The following BRINP1 variants were observed in gnomAD, a reference collection of about 807,000 sequenced individuals.
BRINP1 encodes BMP/retinoic acid inducible neural specific 1, also known as BMP/retinoic acid-inducible neural-specific protein 1.
Under a neutral mutation model 72.9 loss-of-function variants are expected in BRINP1, and 17 were observed. The ratio of observed to expected loss-of-function variants is 0.23; its 90% CI spans 0.16 to 0.35. The LOEUF is 0.35. BRINP1 is among the 10% of genes least tolerant of loss of function. The probability of loss-of-function intolerance (pLI) is 1.00; values close to 1 mark genes in which losing one functional copy is unlikely to be tolerated. For missense variants in BRINP1, 850 were observed against 1,001.6 expected (o/e 0.85, Z 2.04); for synonymous variants, 418 against 378.5 (o/e 1.10, Z -1.21).
intron 3 of BRINP1, among the ~76,000 whole-genome samples, chr9:119,242,458 T>C (rs992949570): frequency 1.3e-5 from 2 of 152,178 alleles, no homozygotes; most frequent in Admixed American, 6.5e-5. Context: ...CCCCTAATAA[T>C]TGACTTCATG....
In BRINP1 at chr9:119,167,698, G is replaced by A. The variant is rs770765150; in HGVS notation, c.1672C>T (p.Pro558Ser). The change falls in exon 8 of 8, where the codon CCC becomes TCC. Residue 558 changes from proline to serine, a missense_variant. Coordinates refer to ENST00000265922, the MANE Select transcript of BRINP1 (RefSeq NM_014618.3). The surrounding 1 kb of genome is among the most constrained non-coding windows in gnomAD (Gnocchi z 4.3). ...ICQMRNSSLD[P>S]MFFVYVNPFS... ...GGGTTGACATAGACAAAGAACATGG[G>A]GTCCAGGCTGCTGTTGCGCATCTGG... is the stretch of plus-strand genomic sequence containing the variant. 4.3e-6 allele frequency: 7 copies of A among 1,614,010 alleles called. No homozygotes were observed. Among genetic ancestry groups the A allele is most frequent in the African/African-American group, 2.7e-5 (2 of 74,902 alleles).
chr9:119,253,177 G>C (rs545885144), intron 2 of BRINP1, among the ~76,000 whole-genome samples: 1 of 152,142 alleles, frequency 6.6e-6, no homozygotes, highest in African/African-American at 2.4e-5. Flanking sequence ...GTTTAGGGAA[G>C]GTATTAAACT....
rs540729943 is a variant in BRINP1 at position 119,368,997 on chromosome 9, C to G, written c.-51+59G>C. ...GAGCGCGGGGACGCCCCGAATGCGG[C>G]CCGGGGCCGGGTCCAAGGGCAGCGG... On this transcript the variant is annotated intron_variant, in intron 1 of 7. Coordinates refer to ENST00000265922, the MANE Select transcript of BRINP1 (RefSeq NM_014618.3). This position sits in a 1 kb window ranked among gnomAD's most constrained non-coding sequence, Gnocchi z 4.7. The G allele has an allele frequency of 1.5e-5, 6 of 391,882 alleles. No individual in the cohort carries two copies. Among genetic ancestry groups the G allele is most frequent in the East Asian group, 3.6e-5 (1 of 27,730 alleles). 24.3% of individuals were successfully genotyped at this position (391,882 alleles called of 1,614,324 possible). A position where few individuals can be genotyped will look rare whatever the true frequency, so the allele number is the denominator to read the frequency against.
intron 1 of BRINP1, among the ~76,000 whole-genome samples, chr9:119,327,910 GA>G (rs896232786): frequency 9.5e-5 from 14 of 147,320 alleles, no homozygotes; most frequent in East Asian, 7.9e-4. Context: ...ATCCTTGAGA[GA>G]AAAAAAAAAG....
intron 7 of BRINP1, among the ~76,000 whole-genome samples, chr9:119,200,717 A>C (rs1829797352): frequency 6.6e-6 from 1 of 152,036 alleles, no homozygotes; most frequent in African/African-American, 2.4e-5. Context: ...CAATTGGAAA[A>C]TTAGAATGAG....
intron 1 of BRINP1, among the ~76,000 whole-genome samples, chr9:119,325,797 C>T (rs1831233919): frequency 6.6e-6 from 1 of 152,168 alleles, no homozygotes; most frequent in Admixed American, 6.5e-5. Context: ...CTTAGTCTTG[C>T]CTTCAACAAT....
At chr9:119,201,716 G>C (rs950914231) in intron 7 of BRINP1, among the ~76,000 whole-genome samples, 2 of 152,196 alleles carry the variant, frequency 1.3e-5, no homozygotes, top group Admixed American at 6.5e-5. Flanking sequence ...CCAGAGGCTA[G>C]ATAATGATGG....
chr9:119,208,748 G>T lies in BRINP1; in HGVS notation c.1116C>A (p.His372Gln), dbSNP rs370368536. The change falls in exon 7 of 8, where the codon CAC becomes CAA. Residue 372 changes from histidine (H) to glutamine (Q), a missense_variant. Physicochemically the swap from His to Gln is conservative, Grantham distance 24 (BLOSUM62 0). Transcript: ENST00000265922. ...KLFGLSVRCR[H>Q]NPNHQLPRER... ...CTCTAGGCAGCTGGTGGTTGGGATTGTGGCGACAGCGTACACTGAGGCCGA... is the reference window on the plus strand; with the variant it reads ...CTCTAGGCAGCTGGTGGTTGGGATTTTGGCGACAGCGTACACTGAGGCCGA... 1.2e-6 allele frequency: 2 copies of T among 1,613,322 alleles called. No individual in the cohort carries two copies. Among genetic ancestry groups the T allele is most frequent in the Non-Finnish European group, 1.7e-6 (2 of 1,180,032 alleles).
chr9:119,283,195 G>A (rs959463752), intron 2 of BRINP1: 8 of 984,152 alleles, frequency 8.1e-6, no homozygotes, highest in Middle Eastern at 5.2e-4. Flanking sequence ...TTAGAATGAA[G>A]GGGTGGAAAC....
chr9:119,197,293 C>T (rs1007995683), intron 7 of BRINP1, among the ~76,000 whole-genome samples: 2 of 152,124 alleles, frequency 1.3e-5, no homozygotes, highest in Non-Finnish European at 2.9e-5. Context: ...CCAGTCTCCC[C>T]AGCAGGAATG....
chr9:119,302,158 C>A (rs757544518), intron 2 of BRINP1, among the ~76,000 whole-genome samples: 4 of 152,192 alleles, frequency 2.6e-5, no homozygotes, highest in Non-Finnish European at 5.9e-5. Context: ...ACAAGAACAT[C>A]TAACTTGAGG....
intron 1 of BRINP1, among the ~76,000 whole-genome samples, chr9:119,329,012 A>G (rs1354393828): frequency 6.6e-6 from 1 of 152,220 alleles, no homozygotes; most frequent in Non-Finnish European, 1.5e-5. Context: ...CTGCCCCCAC[A>G]GAGGCATATT....
At chr9:119,360,058 G>T (rs1831612899) in intron 1 of BRINP1, among the ~76,000 whole-genome samples, 5 of 152,162 alleles carry the variant, frequency 3.3e-5, no homozygotes. Context: ...GGAATCACTT[G>T]CAAGGCTTCA....
chr9:119,315,126 C>A (rs1183774891), intron 1 of BRINP1, among the ~76,000 whole-genome samples: 1 of 151,944 alleles, frequency 6.6e-6, no homozygotes, highest in Non-Finnish European at 1.5e-5. Flanking sequence ...GCATTTTAGC[C>A]CTTATCACCT....
intron 1 of BRINP1, among the ~76,000 whole-genome samples, chr9:119,319,227 T>C (rs1020852344): frequency 2.0e-5 from 3 of 152,204 alleles, no homozygotes; most frequent in African/African-American, 7.2e-5. Context: ...GTTCTTCTCA[T>C]TCTGCCACAT....
intron 1 of BRINP1, among the ~76,000 whole-genome samples, chr9:119,317,350 G>A (rs1385568020): frequency 6.6e-6 from 1 of 152,192 alleles, no homozygotes; most frequent in African/African-American, 2.4e-5. Flanking sequence ...GTAAATCACT[G>A]TAGATGTGAC....
intron 1 of BRINP1, among the ~76,000 whole-genome samples, chr9:119,317,195 T>C (rs1831133761): frequency 6.6e-6 from 1 of 152,076 alleles, no homozygotes; most frequent in African/African-American, 2.4e-5. Flanking sequence ...TTGGAAAACT[T>C]CTGGAAAAGA....
chr9:119,367,193 A>G (rs202157760), intron 1 of BRINP1, among the ~76,000 whole-genome samples: 40 of 111,602 alleles, frequency 3.6e-4, no homozygotes, highest in Admixed American at 6.9e-4. Flanking sequence ...ATATGAACAC[A>G]TGTGTGTGTG....
At chr9:119,210,385 T>C (rs1464220583) in intron 6 of BRINP1, among the ~76,000 whole-genome samples, 1 of 152,242 alleles carries the variant, frequency 6.6e-6, no homozygotes, top group African/African-American at 2.4e-5. Context: ...TTTTAAAAAA[T>C]GCTTACATAG....
Sources: allele counts gnomAD v4.1 joint callset (sites outside exome capture counted in the v4.1 genomes callset), GRCh38; gene constraint gnomAD v4.1.1; non-coding constraint Gnocchi (gnomAD v3.1); transcripts MANE v1.5; gene names NCBI Gene and HGNC (gene_info 2026-07-23, HGNC 2026-07-21).